CAPG: variants seen among roughly 807,000 people sequenced by gnomAD.
CAPG encodes the protein capping actin protein, gelsolin like, also known as macrophage-capping protein.
A neutral mutation model predicts 44.6 loss-of-function variants in CAPG; 32 were observed. That is an observed-to-expected ratio of 0.72 (90% CI 0.54 to 0.96). The LOEUF is 0.96. Ranked by LOEUF, CAPG falls within the 50% of genes least tolerant of loss-of-function variation. The probability of loss-of-function intolerance (pLI) is 0.00; values close to 1 mark genes in which losing one functional copy is unlikely to be tolerated. For missense variants in CAPG, 412 were observed against 438.3 expected (o/e 0.94, Z 0.54); for synonymous variants, 175 against 179.6 (o/e 0.97, Z 0.20).
upstream of CAPG, among the ~76,000 whole-genome samples, chr2:85,411,877 C>T (rs192380789): frequency 1.2e-3 from 185 of 152,132 alleles, no homozygotes; most frequent in Non-Finnish European, 2.2e-3. Context: ...GCCTGGCCAA[C>T]ATGGTGAAAC....
chr2:85,402,161 G>A lies in CAPG; in HGVS notation c.-13-3C>T, dbSNP rs1211623115. On this transcript the variant is annotated splice_polypyrimidine_tract_variant and splice_region_variant and intron_variant, in intron 1 of 9. Coordinates refer to ENST00000263867, the MANE Select transcript of CAPG (RefSeq NM_001747.4). ...CTGTGTACATGCTGTCTTCAGATCT[G>A]GAAAGAAAGAAGAAGCCATTATTAT... 6.3e-7 allele frequency: 1 copy of A among 1,594,458 alleles called. No homozygotes were observed. Among genetic ancestry groups the A allele is most frequent in the Non-Finnish European group, 8.6e-7 (1 of 1,168,956 alleles).
chr2:85,411,258 C>A (rs1407131540), upstream of CAPG, among the ~76,000 whole-genome samples: 2 of 152,236 alleles, frequency 1.3e-5, no homozygotes, highest in Non-Finnish European at 2.9e-5. Flanking sequence ...GTCTGCTTCT[C>A]ATTCACCAGA....
chr2:85,413,744 C>A (rs530202081), upstream of CAPG: 25 of 152,364 alleles, frequency 1.6e-4, no homozygotes, highest in African/African-American at 6.0e-4. Context: ...CTTGTGGTCT[C>A]CCCTGAGCAC....
chr2:85,410,843 G>A (rs1037829068), upstream of CAPG, among the ~76,000 whole-genome samples: 3 of 150,998 alleles, frequency 2.0e-5, no homozygotes, highest in African/African-American at 7.3e-5. Context: ...TTTTTTTTAA[G>A]ATCAGTTTTT....
At chr2:85,410,101 G>A (rs1687353704) in intron 1 of CAPG, among the ~76,000 whole-genome samples, 1 of 152,230 alleles carries the variant, frequency 6.6e-6, no homozygotes, top group Non-Finnish European at 1.5e-5. Flanking sequence ...GCTGCCATCA[G>A]ATCAGGTGCC....
upstream of CAPG, among the ~76,000 whole-genome samples, chr2:85,414,709 G>A (rs1687513400): frequency 6.6e-6 from 1 of 151,982 alleles, no homozygotes; most frequent in Non-Finnish European, 1.5e-5. Flanking sequence ...TGGCATTATA[G>A]GCATGAGCCA....
At chr2:85,407,907 A>G (rs1402409676) in intron 1 of CAPG, among the ~76,000 whole-genome samples, 1 of 151,836 alleles carries the variant, frequency 6.6e-6, no homozygotes. Flanking sequence ...CTGTCCCGAG[A>G]CCTTTTGTTC....
intron 1 of CAPG, among the ~76,000 whole-genome samples, chr2:85,405,549 G>C (rs1435606177): frequency 3.3e-5 from 5 of 152,162 alleles, no homozygotes; most frequent in Admixed American, 6.5e-5. Flanking sequence ...GGCCAGGGAA[G>C]TCAGGGGTAG....
chr2:85,400,116 A>G (rs1456588980), intron 5 of CAPG, among the ~76,000 whole-genome samples: 2 of 152,192 alleles, frequency 1.3e-5, no homozygotes, highest in Admixed American at 6.5e-5. Context: ...CCTACTAGAA[A>G]GTGAGCTTCA....
chr2:85,404,682 AG>A (rs1443157458), intron 1 of CAPG, among the ~76,000 whole-genome samples: 6 of 152,124 alleles, frequency 3.9e-5, no homozygotes, highest in African/African-American at 1.4e-4. Context: ...CAGGAGGCAG[AG>A]GTTGCAGTGA....
rs750929149 is a variant in CAPG, at chr2:85,394,955, C to T, written c.985G>A (p.Glu329Lys). ...RMQYAPNTQV[E>K]ILPQGHESPI... Reference sequence around the variant, plus strand: ...CTCTCATGGCCCTGAGGCAGAATCTCCACCTGCAGGGACAGCGGGGGAGAA... The same window carrying T: ...CTCTCATGGCCCTGAGGCAGAATCTTCACCTGCAGGGACAGCGGGGGAGAA... The change falls in exon 10 of 10, where the codon GAG becomes AAG. Residue 329 changes from glutamate to lysine, a missense_variant. Coordinates refer to ENST00000263867, the MANE Select transcript of CAPG (RefSeq NM_001747.4). The T allele has an allele frequency of 3.2e-5, 52 of 1,610,774 alleles. 1 individual carries two copies. In the Middle Eastern group the frequency reaches 4.9e-4, roughly 15 times the overall value.
At position 85,395,543 on chromosome 2, in the gene CAPG, T is replaced by C. The variant is rs1686552737; in HGVS notation, c.976A>G (p.Thr326Ala). 1.2e-6 allele frequency: 2 copies of C among 1,613,072 alleles called. No individual in the cohort carries two copies. The highest frequency in any genetic ancestry group is 1.3e-5 in the African/African-American group (1 of 74,864). ...FISRMQYAPN[T>A]QVEILPQGHE... is the part of the protein sequence containing the mutation. ...GGTTGTGCGCATCTCCTCACCTGAG[T>C]GTTCGGGGCGTACTGCATGCGCGAG... The change falls in exon 9 of 10, where the codon ACT (threonine) becomes GCT (alanine). Residue 326 changes from threonine (T) to alanine (A), a missense_variant. Physicochemically the swap from Thr to Ala is moderately conservative, Grantham distance 58 (BLOSUM62 0). Transcript: ENST00000263867. This position sits in a 1 kb window ranked among gnomAD's most constrained non-coding sequence, Gnocchi z 4.3.
At chr2:85,397,704 A>AAAAG (rs57572523) in intron 8 of CAPG, among the ~76,000 whole-genome samples, 4,520 of 149,202 alleles carry the variant, frequency 0.03, 209 homozygotes, top group African/African-American at 0.095. Context: ...TTCCTTCTCA[A>AAAAG]AAAGAAAGAA....
chr2:85,400,245 G>C (rs1445573960), intron 5 of CAPG, among the ~76,000 whole-genome samples: 2 of 152,138 alleles, frequency 1.3e-5, no homozygotes, highest in African/African-American at 4.8e-5. Context: ...GGACTGGATG[G>C]GTGAATGGCT....
upstream of CAPG, among the ~76,000 whole-genome samples, chr2:85,413,625 C>T (rs1307678123): frequency 6.6e-6 from 1 of 152,130 alleles, no homozygotes; most frequent in African/African-American, 2.4e-5. Flanking sequence ...GCCGGTCGCT[C>T]AGCCTAGGAC....
At chr2:85,392,162 G>A (rs909878228), downstream of CAPG, among the ~76,000 whole-genome samples, 3 of 152,194 alleles carry the variant, frequency 2.0e-5, no homozygotes, top group East Asian at 1.9e-4. Context: ...AGGCCGAGGC[G>A]GGTGGATCAC....
chr2:85,403,893 A>C (rs936265640), intron 1 of CAPG, among the ~76,000 whole-genome samples: 588 of 151,124 alleles, frequency 3.9e-3, no homozygotes, highest in Non-Finnish European at 6.1e-3. Context: ...TCTCAAAAAA[A>C]AAAAAAAAAA....
downstream of CAPG, among the ~76,000 whole-genome samples, chr2:85,393,525 TATGGAGAAGAC>T: frequency 6.6e-6 from 1 of 152,198 alleles, no homozygotes; most frequent in African/African-American, 2.4e-5. Context: ...CTAAGAAGTC[TATGGAGAAGAC>T]ATGGAGGCAG....
intron 6 of CAPG, 117 bp downstream of exon 6, chr2:85,399,019 T>C (rs532625917): frequency 1.2e-5 from 14 of 1,189,126 alleles, no homozygotes; most frequent in African/African-American, 9.0e-5. Context: ...CCCTAGGCAG[T>C]ACACCAGATG....
Sources: gnomAD v4.1 joint callset for allele counts (sites outside exome capture counted in the v4.1 genomes callset) on GRCh38, gnomAD v4.1.1 for gene constraint, Gnocchi (gnomAD v3.1) non-coding constraint, MANE v1.5 for transcripts, NCBI Gene and HGNC (gene_info 2026-07-23, HGNC 2026-07-21) for gene names.